ARID1A: variants seen among roughly 807,000 people sequenced by gnomAD.
ARID1A encodes AT-rich interactive domain-containing protein 1A.
A neutral mutation model predicts 212.6 loss-of-function variants in ARID1A; 20 were observed. The observed-to-expected ratio is 0.09, with a 90% CI of 0.07 to 0.14. The LOEUF is 0.14. ARID1A is among the 10% of genes least tolerant of loss of function. ARID1A has a pLI of 1.00. For missense variants in ARID1A, 2,587 were observed against 3,059.0 expected, an observed-to-expected ratio of 0.85 and a Z score of 3.64; for synonymous variants, 1,376 against 1,222.1, an observed-to-expected ratio of 1.13 and a Z score of -2.63.
intron 19 of ARID1A, among the ~76,000 whole-genome samples, chr1:26,777,331 C>T (rs758359589): frequency 5.3e-5 from 8 of 152,128 alleles, no homozygotes; most frequent in Non-Finnish European, 8.8e-5. Flanking sequence ...GGTGATCCTC[C>T]CACCTCAGCT....
chr1:26,771,477 C>A lies in ARID1A; in HGVS notation c.3406+151C>A. On this transcript the variant is annotated intron_variant, in intron 12 of 19. Transcript: ENST00000324856. This position sits in a 1 kb window ranked among gnomAD's most constrained non-coding sequence, Gnocchi z 5.4. Reference sequence around the variant, plus strand: ...CCACAGGGCTTAACAGGTTGGCTGACTAGAGAGTGGGCAGTGGAAACTCCC... The same window carrying A: ...CCACAGGGCTTAACAGGTTGGCTGAATAGAGAGTGGGCAGTGGAAACTCCC... 1.2e-6 allele frequency: 1 copy of A among 816,936 alleles called. No homozygotes were observed. Among genetic ancestry groups the A allele is most frequent in the Non-Finnish European group, 1.9e-6 (1 of 526,012 alleles). The allele number at this position is 816,936 out of a possible 1,614,324, so 50.6% of individuals were successfully genotyped here. A position where few individuals can be genotyped will look rare whatever the true frequency, so the allele number is the denominator to read the frequency against.
At chr1:26,747,318 A>T (rs1301969670) in intron 4 of ARID1A, among the ~76,000 whole-genome samples, 3 of 152,330 alleles carry the variant, frequency 2.0e-5, no homozygotes, top group Admixed American at 2.0e-4. Context: ...GCTTACCTCC[A>T]AGCTGCTAGC....
intron 1 of ARID1A, among the ~76,000 whole-genome samples, chr1:26,712,352 C>T (rs2080462692): frequency 6.6e-6 from 1 of 152,094 alleles, no homozygotes; most frequent in African/African-American, 2.4e-5. Flanking sequence ...CTGTGAATTC[C>T]TTTCCTTGTG....
At chr1:26,762,755 T>C (rs897225320) in intron 7 of ARID1A, among the ~76,000 whole-genome samples, 3 of 152,238 alleles carry the variant, frequency 2.0e-5, no homozygotes, top group African/African-American at 7.2e-5. Context: ...CTTCTGGAAG[T>C]TGAAATGCCT....
rs1434951491 is a variant in ARID1A at position 26,774,395 on chromosome 1, A to G, written c.4168A>G (p.Ser1390Gly). Residue 1390 changes from serine (S) to glycine (G), a missense_variant, in exon 18 of 20, where the codon AGC becomes GGC. Ser to Gly is a moderately conservative substitution (Grantham distance 56, BLOSUM62 0). Coordinates refer to ENST00000324856, the MANE Select transcript of ARID1A (RefSeq NM_006015.6). The surrounding 1 kb of genome is among the most constrained non-coding windows in gnomAD (Gnocchi z 5.6). ...CAAGCGGCACGAAGGGGAGATGTACAGCGTGCCATACAGCACTGGGCAGGG... is the reference window on the plus strand; with the variant it reads ...CAAGCGGCACGAAGGGGAGATGTACGGCGTGCCATACAGCACTGGGCAGGG... Reference protein sequence around the residue: ...PAKRHEGEMYSVPYSTGQGQP... With the variant: ...PAKRHEGEMYGVPYSTGQGQP... 2 of 1,597,074 alleles carry G rather than the reference A, an allele frequency of 1.3e-6. No individual in the cohort carries two copies. Among genetic ancestry groups the G allele is most frequent in the Non-Finnish European group, 1.7e-6 (2 of 1,169,160 alleles).
At chr1:26,735,002 A>C (rs2080715589) in intron 4 of ARID1A, among the ~76,000 whole-genome samples, 1 of 152,070 alleles carries the variant, frequency 6.6e-6, no homozygotes, top group Non-Finnish European at 1.5e-5. Context: ...AATTTTGAGG[A>C]GTCTGTGCTC....
At position 26,731,357 on chromosome 1, in the gene ARID1A, C is replaced by T. The variant is rs2124788921; in HGVS notation, c.1556C>T (p.Ser519Phe). The T allele has an allele frequency of 6.2e-7, 1 of 1,613,946 alleles. No individual in the cohort carries two copies. Among genetic ancestry groups the T allele is most frequent in the Non-Finnish European group, 8.5e-7 (1 of 1,179,988 alleles). Residue 519 changes from serine (S) to phenylalanine (F), a missense_variant, in exon 3 of 20, where the codon TCC (serine) becomes TTC (phenylalanine). Transcript: ENST00000324856. The stretch of plus-strand genomic sequence containing the variant: ...CTCCAGTCCTCTCAGCCTCCATACT[C>T]CCAGCAGCCATCCCAGCCTCCACAT... Reference protein sequence around the residue: ...PQLQSSQPPYSQQPSQPPHQQ... With the variant: ...PQLQSSQPPYFQQPSQPPHQQ...
chr1:26,729,706 C>T lies in ARID1A; in HGVS notation c.1193C>T (p.Thr398Ile), dbSNP rs1394403612. ...ATGAGACCTCAGCCATATGGCGGGA[C>T]TAACCCATACTCGCAGCAACAGGGA... ...GKMRPQPYGG[T>I]NPYSQQQGPP... Residue 398 changes from threonine to isoleucine, a missense_variant, in exon 2 of 20, where the codon ACT becomes ATT. Coordinates refer to ENST00000324856, the MANE Select transcript of ARID1A (RefSeq NM_006015.6). 1.2e-6 allele frequency: 2 copies of T among 1,614,244 alleles called. No individual in the cohort carries two copies. Among genetic ancestry groups the T allele is most frequent in the East Asian group, 2.2e-5 (1 of 44,888 alleles).
At chr1:26,726,665 T>A (rs2080622687) in intron 1 of ARID1A, among the ~76,000 whole-genome samples, 1 of 152,216 alleles carries the variant, frequency 6.6e-6, no homozygotes, top group Non-Finnish European at 1.5e-5. Context: ...TCTCCTACCC[T>A]TTTTTGGAAT....
At chr1:26,718,081 TCTC>T (rs1223072135) in intron 1 of ARID1A, among the ~76,000 whole-genome samples, 1 of 152,158 alleles carries the variant, frequency 6.6e-6, no homozygotes, top group Non-Finnish European at 1.5e-5. Flanking sequence ...TTCAAGCAGT[TCTC>T]CTGCCTCAGC....
chr1:26,696,507 CGGG>C lies in ARID1A; in HGVS notation c.108_110del (p.Gly37del). 1 of 1,229,558 alleles carries C rather than the reference CGGG, an allele frequency of 8.1e-7. No individual in the cohort carries two copies. Among genetic ancestry groups the C allele is most frequent in the Non-Finnish European group, 1.0e-6 (1 of 988,252 alleles). The allele number at this position is 1,229,558 out of a possible 1,614,324, so 76.2% of individuals were successfully genotyped here. On this transcript the variant is annotated inframe_deletion, in exon 1 of 20. Transcript: ENST00000324856. ...GCCGAGCAGCAGCAGCGGGAGGAGG[CGGG>C]GGGCGAGGCGGCGGCGGCGGCAGCG...
intron 1 of ARID1A, among the ~76,000 whole-genome samples, chr1:26,698,668 T>C (rs1191211539): frequency 6.6e-6 from 1 of 152,208 alleles, no homozygotes; most frequent in African/African-American, 2.4e-5. Flanking sequence ...TTGCTGTTTG[T>C]TTTGGTTTTG....
At position 26,780,693 on chromosome 1, in the gene ARID1A, G is replaced by T. The variant is rs755072824; in HGVS notation, c.6795G>T (p.Pro2265=). The T allele has an allele frequency of 2.5e-6, 4 of 1,597,702 alleles. No homozygotes were observed. Among genetic ancestry groups the T allele is most frequent in the Non-Finnish European group, 3.4e-6 (4 of 1,175,012 alleles). The change falls in exon 20 of 20, where the codon CCG becomes CCT. Residue 2265 remains proline, a synonymous_variant. Transcript: ENST00000324856. This position sits in a 1 kb window ranked among gnomAD's most constrained non-coding sequence, Gnocchi z 7.2. The part of the protein sequence containing the change: ...ESRLLDISVS[P]LMNSLVSQVI... ...GGCTGTTGGACATCTCGGTATCACC[G>T]TTGATGAACTCATTGGTTTCACAAG...
At chr1:26,713,268 A>G (rs1046689321) in intron 1 of ARID1A, among the ~76,000 whole-genome samples, 2 of 152,026 alleles carry the variant, frequency 1.3e-5, no homozygotes, top group African/African-American at 2.4e-5. Flanking sequence ...TGCAGAGCAC[A>G]TGGAAACTCC....
chr1:26,775,271 T>C, intron 18 of ARID1A, 51 bp downstream of exon 18: 1 of 1,521,076 alleles, frequency 6.6e-7, no homozygotes, highest in Non-Finnish European at 8.8e-7. Context: ...TTCCATCTTG[T>C]CCATTGTTCC....
chr1:26,734,341 T>A (rs950143563), intron 4 of ARID1A, among the ~76,000 whole-genome samples: 2 of 121,154 alleles, frequency 1.7e-5, no homozygotes, highest in African/African-American at 6.5e-5. Flanking sequence ...TGTATTTGGC[T>A]TCTTTTTTTT....
In ARID1A at chr1:26,696,299, C is replaced by T. The variant is rs1278009869; in HGVS notation, c.-105C>T. On this transcript the variant is annotated 5_prime_UTR_variant, in exon 1 of 20. Coordinates refer to ENST00000324856, the MANE Select transcript of ARID1A (RefSeq NM_006015.6). ...CGGAGCCCCGCGAGGCCCGCCCGGG[C>T]GGGTGGGGAGGGCAGCCCGGGGGAC... 1.9e-6 allele frequency: 2 copies of T among 1,029,062 alleles called. No homozygotes were observed. The highest frequency in any genetic ancestry group is 1.1e-6 in the Non-Finnish European group (1 of 877,692). The allele number at this position is 1,029,062 out of a possible 1,614,324, so 63.7% of individuals were successfully genotyped here.
chr1:26,764,507 T>C (rs1384723927), intron 8 of ARID1A: 2 of 152,192 alleles, frequency 1.3e-5, no homozygotes, highest in African/African-American at 4.8e-5. Context: ...ACGTGTTGAC[T>C]CTGGTGCTAG....
intron 1 of ARID1A, among the ~76,000 whole-genome samples, chr1:26,700,074 G>A (rs1359913501): frequency 6.6e-6 from 1 of 152,172 alleles, no homozygotes; most frequent in African/African-American, 2.4e-5. Context: ...GAGACCCAGG[G>A]AATGGGCTGG....
Sources: gnomAD v4.1 joint callset for allele counts (sites outside exome capture counted in the v4.1 genomes callset) on GRCh38, gnomAD v4.1.1 for gene constraint, Gnocchi (gnomAD v3.1) non-coding constraint, MANE v1.5 for transcripts, NCBI Gene and HGNC (gene_info 2026-07-23, HGNC 2026-07-21) for gene names.